Variants in CCSER1 observed in about 807,000 individuals in gnomAD.
The protein encoded by CCSER1 is coiled-coil serine rich protein 1.
A neutral mutation model predicts 82.0 loss-of-function variants in CCSER1; 41 were observed. The observed-to-expected ratio is 0.50, with a 90% CI of 0.39 to 0.65. The LOEUF (loss-of-function observed/expected upper bound fraction) is 0.65. Ranked by LOEUF, CCSER1 falls within the 30% of genes least tolerant of loss-of-function variation. The probability of loss-of-function intolerance (pLI) is 0.00; values close to 1 mark genes in which losing one functional copy is unlikely to be tolerated. For synonymous variants in CCSER1, 414 were observed against 383.9 expected, an observed-to-expected ratio of 1.08 and a Z score of -0.92; for missense variants, 1,119 against 1,064.2, an observed-to-expected ratio of 1.05 and a Z score of -0.72.
intron 1 of CCSER1, among the ~76,000 whole-genome samples, chr4:90,302,541 C>CT (rs1243762283): frequency 1.2e-4 from 18 of 152,282 alleles, no homozygotes; most frequent in African/African-American, 4.1e-4. Context: ...TGGCTCATGC[C>CT]TGTACTCCCA....
chr4:91,515,812 C>A (rs1362311957), intron 10 of CCSER1, among the ~76,000 whole-genome samples: 2 of 151,578 alleles, frequency 1.3e-5, no homozygotes, highest in East Asian at 3.9e-4. Context: ...AATTTACTCT[C>A]CTACCAGCAG....
chr4:90,282,613 A>G (rs1729076860), intron 1 of CCSER1, among the ~76,000 whole-genome samples: 1 of 151,916 alleles, frequency 6.6e-6, no homozygotes, highest in Non-Finnish European at 1.5e-5. Flanking sequence ...CATTGAAATA[A>G]TTGATGTTTC....
intron 10 of CCSER1, among the ~76,000 whole-genome samples, chr4:91,242,200 G>T (rs73836890): frequency 0.026 from 3,933 of 152,264 alleles, 175 homozygotes; most frequent in African/African-American, 0.09. Context: ...CCAAGATTCT[G>T]AGGTGGGAAA....
intron 9 of CCSER1, among the ~76,000 whole-genome samples, chr4:91,003,471 C>G (rs561514915): frequency 6.6e-6 from 1 of 152,196 alleles, no homozygotes; most frequent in African/African-American, 2.4e-5. Context: ...ATGCCTGCCT[C>G]TACTGTGTCA....
chr4:90,862,775 T>A (rs62311127), intron 8 of CCSER1, among the ~76,000 whole-genome samples: 11,244 of 151,860 alleles, frequency 0.074, 506 homozygotes, highest in Admixed American at 0.13. Flanking sequence ...ATGCACTCAA[T>A]AGACTGGCCT....
chr4:90,801,510 T>G (rs1250291907), intron 7 of CCSER1, among the ~76,000 whole-genome samples: 2 of 152,178 alleles, frequency 1.3e-5, no homozygotes, highest in Middle Eastern at 3.2e-3. Context: ...AAGATTATGC[T>G]GATATCCAAA....
At chr4:90,421,196 C>T (rs551324791) in intron 4 of CCSER1, among the ~76,000 whole-genome samples, 6 of 152,226 alleles carry the variant, frequency 3.9e-5, no homozygotes, top group Admixed American at 1.3e-4. Context: ...ATTGTGCATA[C>T]TAAAAACAAT....
chr4:91,072,357 G>C (rs1721525855), intron 9 of CCSER1, among the ~76,000 whole-genome samples: 1 of 152,064 alleles, frequency 6.6e-6, no homozygotes, highest in Non-Finnish European at 1.5e-5. Context: ...CAAGGAATCA[G>C]GGCTTCTGGA....
At chr4:91,244,208 G>C (rs1252775221) in intron 10 of CCSER1, among the ~76,000 whole-genome samples, 1 of 152,224 alleles carries the variant, frequency 6.6e-6, no homozygotes, top group Non-Finnish European at 1.5e-5. Flanking sequence ...AAGTGGGAAG[G>C]ACTTCGTATT....
At chr4:91,133,061 A>G (rs1234849415) in intron 10 of CCSER1, among the ~76,000 whole-genome samples, 1 of 152,170 alleles carries the variant, frequency 6.6e-6, no homozygotes, top group Non-Finnish European at 1.5e-5. Context: ...TTTGCTTAGT[A>G]TTTAAAAGAC....
Position 91,022,992 on chromosome 4 carries a change from T to C in CCSER1, c.2173-62958T>C, listed in dbSNP as rs550950680. On this transcript the variant is annotated intron_variant, in intron 9 of 10. Coordinates refer to ENST00000509176, the MANE Select transcript of CCSER1 (RefSeq NM_001145065.2). ...TCACTCTGATGGTAGTTTCTTTTGC[T>C]GTGCAGAAGCTCTTTAGTTTAATTA... 4.4e-3 allele frequency among the ~76,000 whole-genome samples: 668 copies of C among 152,294 alleles called. 7 individuals are homozygous for C. Among genetic ancestry groups the C allele is most frequent in the African/African-American group, 0.015 (627 of 41,560 alleles).
chr4:91,599,346 TA>T lies in CCSER1; in HGVS notation c.*290del, dbSNP rs908479202. 22 of 247,716 alleles carry T rather than the reference TA, an allele frequency of 8.9e-5. 1 individual carries two copies. Among genetic ancestry groups the T allele is most frequent in the African/African-American group, 4.9e-4 (22 of 45,010 alleles). The allele number at this position is 247,716 out of a possible 1,614,324, so 15.3% of individuals were successfully genotyped here. A position where few individuals can be genotyped will look rare whatever the true frequency, so the allele number is the denominator to read the frequency against. On this transcript the variant is annotated 3_prime_UTR_variant, in exon 11 of 11. Transcript: ENST00000509176. The stretch of plus-strand genomic sequence containing the variant: ...TCGTTTATATAGTCCATAATTTATT[TA>T]TTTTTTATCTCTATCACTTACTGAT...
At chr4:91,080,239 A>C (rs1347416164) in intron 9 of CCSER1, among the ~76,000 whole-genome samples, 1 of 152,220 alleles carries the variant, frequency 6.6e-6, no homozygotes, top group Non-Finnish European at 1.5e-5. Flanking sequence ...AGGGCAATCA[A>C]ACTAGAACTC....
At chr4:91,521,301 C>T (rs912874881) in intron 10 of CCSER1, among the ~76,000 whole-genome samples, 2 of 152,132 alleles carry the variant, frequency 1.3e-5, no homozygotes, top group East Asian at 3.8e-4. Context: ...TGGGTTGGTC[C>T]CAAATCTTTG....
chr4:90,501,080 T>G (rs2153611781), intron 5 of CCSER1, among the ~76,000 whole-genome samples: 1 of 152,226 alleles, frequency 6.6e-6, no homozygotes, highest in South Asian at 2.1e-4. Context: ...AAATTTATTC[T>G]AGAAAGTAAT....
intron 9 of CCSER1, among the ~76,000 whole-genome samples, chr4:91,081,048 A>G (rs1163990897): frequency 6.6e-6 from 1 of 152,208 alleles, no homozygotes; most frequent in Admixed American, 6.5e-5. Flanking sequence ...ATCCTCCCTA[A>G]CTCATTTTAT....
chr4:91,088,447 C>T (rs1418143547), intron 10 of CCSER1, among the ~76,000 whole-genome samples: 1 of 151,834 alleles, frequency 6.6e-6, no homozygotes, highest in Non-Finnish European at 1.5e-5. Context: ...AAACGAATTG[C>T]CAGACAGGAA....
At chr4:90,241,153 A>G (rs753422995) in intron 1 of CCSER1, among the ~76,000 whole-genome samples, 23 of 152,206 alleles carry the variant, frequency 1.5e-4, no homozygotes, top group Non-Finnish European at 2.4e-4. Context: ...GCATAGATCA[A>G]TTTGTTACTA....
intron 1 of CCSER1, among the ~76,000 whole-genome samples, chr4:90,210,033 A>G (rs919078726): frequency 1.3e-5 from 2 of 152,142 alleles, no homozygotes; most frequent in African/African-American, 4.8e-5. Context: ...TAATGTTAGC[A>G]AAGTAAACAC....
Sources: allele counts gnomAD v4.1 joint callset (sites outside exome capture counted in the v4.1 genomes callset), GRCh38; gene constraint gnomAD v4.1.1; transcripts MANE v1.5; gene names NCBI Gene and HGNC (gene_info 2026-07-23, HGNC 2026-07-21).